Variants in THADA observed in about 807,000 individuals in gnomAD.
THADA encodes THADA armadillo repeat containing, also known as tRNA (32-2'-O)-methyltransferase regulator THADA.
A neutral mutation model predicts 219.8 loss-of-function variants in THADA; 213 were observed. The ratio of observed to expected loss-of-function variants is 0.97; its 90% CI spans 0.87 to 1.09. The LOEUF (loss-of-function observed/expected upper bound fraction) is 1.09. Ranked by LOEUF, THADA falls within the 50% of genes least tolerant of loss-of-function variation. The probability of loss-of-function intolerance (pLI) is 0.00; values close to 1 mark genes in which losing one functional copy is unlikely to be tolerated. For synonymous variants in THADA, 1,018 were observed against 828.9 expected (o/e 1.23, Z -3.92); for missense variants, 2,956 against 2,311.3 (o/e 1.28, Z -5.72).
At chr2:43,499,519 G>A (rs566212711) in intron 24 of THADA, among the ~76,000 whole-genome samples, 1 of 152,240 alleles carries the variant, frequency 6.6e-6, no homozygotes, top group East Asian at 1.9e-4. Flanking sequence ...TGCGATTACA[G>A]ATATGTGCCA....
At chr2:43,572,022 T>C (rs896348973) in intron 12 of THADA, among the ~76,000 whole-genome samples, 160 bp from the exon 13 acceptor site, 5 of 152,214 alleles carry the variant, frequency 3.3e-5, no homozygotes, top group African/African-American at 4.8e-5. Context: ...GATCCTAGGG[T>C]TATTTCCTAT....
intron 15 of THADA, among the ~76,000 whole-genome samples, chr2:43,561,884 T>C (rs914449541): frequency 7.2e-5 from 11 of 152,230 alleles, no homozygotes; most frequent in Non-Finnish European, 1.6e-4. Context: ...CCTGTGGTTG[T>C]GTTACAAATG....
chr2:43,528,126 CTTTTTTTTTT>C, intron 21 of THADA, 138 bp from the exon 22 acceptor site: 1 of 162,116 alleles, frequency 6.2e-6, no homozygotes, highest in East Asian at 1.7e-4. Context: ...ATGTTTTAAG[CTTTTTTTTTT>C]TTTTTTTTTT....
intron 22 of THADA, among the ~76,000 whole-genome samples, chr2:43,509,325 A>G (rs952647616): frequency 2.0e-5 from 3 of 152,346 alleles, no homozygotes; most frequent in East Asian, 1.9e-4. Flanking sequence ...AGGCGATTTG[A>G]ACATTACATC....
intron 16 of THADA, 96 bp from the exon 17 acceptor site, chr2:43,556,651 C>T: frequency 8.4e-7 from 1 of 1,188,750 alleles, no homozygotes; most frequent in Non-Finnish European, 1.2e-6. Flanking sequence ...GAGCTGAGTA[C>T]AGTGGGCTCG....
At chr2:43,455,027 A>C (rs1052344333) in intron 26 of THADA, among the ~76,000 whole-genome samples, 2 of 151,936 alleles carry the variant, frequency 1.3e-5, no homozygotes, top group Non-Finnish European at 2.9e-5. Flanking sequence ...CTTTAGTTCT[A>C]CATGTTCTTA....
chr2:43,540,993 T>C (rs1297550582), intron 21 of THADA, among the ~76,000 whole-genome samples, 166 bp downstream of exon 21: 1 of 152,232 alleles, frequency 6.6e-6, no homozygotes, highest in Non-Finnish European at 1.5e-5. Flanking sequence ...TTGAAATGTA[T>C]TATAAAGTCT....
intron 34 of THADA, among the ~76,000 whole-genome samples, chr2:43,290,998 A>G (rs1362715877): frequency 2.0e-5 from 3 of 152,072 alleles, no homozygotes; most frequent in African/African-American, 7.2e-5. Flanking sequence ...TTGCATACTT[A>G]GTTCACTAGG....
chr2:43,407,741 G>C (rs1280466157), intron 28 of THADA, among the ~76,000 whole-genome samples: 3 of 98,870 alleles, frequency 3.0e-5, no homozygotes, highest in Non-Finnish European at 6.8e-5. Context: ...GTGCCTGCTA[G>C]ATGCCAGGTA....
At chr2:43,233,149 T>TA (rs1667637961) in intron 36 of THADA, 1 of 422,626 alleles carries the variant, frequency 2.4e-6, no homozygotes, top group South Asian at 3.8e-5. Flanking sequence ...TCTGCAGGAT[T>TA]AGAGAGTTAT....
At chr2:43,363,056 C>T (rs1374268109) in intron 29 of THADA, among the ~76,000 whole-genome samples, 1 of 152,164 alleles carries the variant, frequency 6.6e-6, no homozygotes, top group Non-Finnish European at 1.5e-5. Context: ...TATATAATCA[C>T]AATGCCTGAG....
intron 24 of THADA, among the ~76,000 whole-genome samples, chr2:43,502,370 A>C (rs945343965): frequency 2.6e-5 from 4 of 152,194 alleles, no homozygotes; most frequent in African/African-American, 9.6e-5. Flanking sequence ...GAATCACCTG[A>C]GGTCAGGAGT....
chr2:43,298,795 G>A (rs1189795044), intron 31 of THADA, among the ~76,000 whole-genome samples: 1 of 152,114 alleles, frequency 6.6e-6, no homozygotes, highest in Non-Finnish European at 1.5e-5. Flanking sequence ...CCCCAAAGAA[G>A]GAGGAGATGG....
chr2:43,236,106 GC>G (rs1367639472), intron 36 of THADA, among the ~76,000 whole-genome samples: 1 of 152,210 alleles, frequency 6.6e-6, no homozygotes, highest in Non-Finnish European at 1.5e-5. Flanking sequence ...ACCACGCCTG[GC>G]CCATCTTGCA....
chr2:43,280,724 G>A (rs1673247040), intron 35 of THADA, among the ~76,000 whole-genome samples: 1 of 152,156 alleles, frequency 6.6e-6, no homozygotes, highest in Non-Finnish European at 1.5e-5. Context: ...CATGTATGTA[G>A]GGGGTCCACT....
At chr2:43,336,670 G>C (rs1666477049) in intron 30 of THADA, among the ~76,000 whole-genome samples, 1 of 152,132 alleles carries the variant, frequency 6.6e-6, no homozygotes, top group African/African-American at 2.4e-5. Flanking sequence ...GGGCCAGTGA[G>C]ATAACTTGAA....
intron 9 of THADA, among the ~76,000 whole-genome samples, chr2:43,577,666 A>G (rs1700002292): frequency 6.6e-6 from 1 of 152,178 alleles, no homozygotes; most frequent in Admixed American, 6.5e-5. Flanking sequence ...TTTCCATACA[A>G]TATAGCAAGC....
intron 36 of THADA, among the ~76,000 whole-genome samples, chr2:43,269,399 C>G (rs980567291): frequency 6.6e-6 from 1 of 152,218 alleles, no homozygotes; most frequent in African/African-American, 2.4e-5. Flanking sequence ...AATCCCATCA[C>G]CCCAGCAACC....
rs1388067135 is a variant in THADA at position 43,509,340 on chromosome 2, A to G, written c.3375-560T>C. 7.2e-5 allele frequency among the ~76,000 whole-genome samples: 11 copies of G among 152,316 alleles called. No homozygotes were observed. The East Asian group carries it at 2.1e-3, about 29-fold the overall frequency. On this transcript the variant is annotated intron_variant, in intron 22 of 37. Transcript: ENST00000405975. ...AGGCGATTTGAACATTACATCAGTG[A>G]GCTTCTGCATTATTACATTAAGCGC...
Sources: gnomAD v4.1 joint callset for allele counts (sites outside exome capture counted in the v4.1 genomes callset) on GRCh38, gnomAD v4.1.1 for gene constraint, MANE v1.5 for transcripts, NCBI Gene and HGNC (gene_info 2026-07-23, HGNC 2026-07-21) for gene names.